Variants in NELL2 observed in about 807,000 individuals in gnomAD.
NELL2 encodes neural EGFL like 2.
In NELL2, 41 loss-of-function variants were observed where a neutral mutation model predicts 109.6. The observed-to-expected ratio is 0.37, with a 90% CI of 0.29 to 0.49. The LOEUF is 0.49. Among genes scored for constraint, NELL2 ranks in the 20% least tolerant of loss-of-function variants. The probability of loss-of-function intolerance (pLI) is 0.98; values close to 1 mark genes in which losing one functional copy is unlikely to be tolerated. For synonymous variants in NELL2, 355 were observed against 344.7 expected (o/e 1.03, Z -0.33); for missense variants, 900 against 1,008.3 (o/e 0.89, Z 1.45).
intron 2 of NELL2, among the ~76,000 whole-genome samples, chr12:44,872,550 G>C (rs1004643890): frequency 6.6e-6 from 1 of 152,092 alleles, no homozygotes; most frequent in East Asian, 1.9e-4. Flanking sequence ...CCACTAAGGA[G>C]AAAAACTGGC....
At chr12:44,623,554 A>G (rs1414069522) in intron 13 of NELL2, among the ~76,000 whole-genome samples, 1 of 151,666 alleles carries the variant, frequency 6.6e-6, no homozygotes, top group Non-Finnish European at 1.5e-5. Flanking sequence ...TTACTTGATA[A>G]GGTTCCTTAA....
intron 3 of NELL2, among the ~76,000 whole-genome samples, chr12:44,803,697 A>G (rs1035919389): frequency 2.6e-5 from 4 of 152,018 alleles, no homozygotes; most frequent in African/African-American, 9.7e-5. Context: ...TCCTTATTAT[A>G]TAAAGCGTTC....
At position 44,587,309 on chromosome 12, in the gene NELL2, T is replaced by TA. The variant is rs1565974434; in HGVS notation, c.1663+19859_1663+19860insT. Among the ~76,000 whole-genome samples, 92 of 69,568 alleles carry TA rather than the reference T, an allele frequency of 1.3e-3. 1 individual carries two copies. Among genetic ancestry groups the TA allele is most frequent in the African/African-American group, 2.8e-3 (52 of 18,450 alleles). 45.6% of individuals were successfully genotyped at this position (69,568 alleles called of 152,430 possible). On this transcript the variant is annotated intron_variant, in intron 15 of 19. Transcript: ENST00000429094. Reference sequence around the variant, plus strand: ...AATATATATATATATATATATATATTTTTTTTTAAATATGAAGTTATATAC... The same window carrying TA: ...AATATATATATATATATATATATATTATTTTTTTAAATATGAAGTTATATAC...
At chr12:44,862,737 A>C (rs1944878437) in intron 2 of NELL2, among the ~76,000 whole-genome samples, 2 of 152,192 alleles carry the variant, frequency 1.3e-5, no homozygotes, top group Admixed American at 1.3e-4. Flanking sequence ...AACACAGTGC[A>C]CAAAATGAAA....
In NELL2 at chr12:44,876,139, G is replaced by A; in HGVS notation, c.-270C>T. 3.1e-6 allele frequency: 4 copies of A among 1,286,094 alleles called. No homozygotes were observed. The highest frequency in any genetic ancestry group is 3.9e-6 in the Non-Finnish European group (4 of 1,015,568). The allele number at this position is 1,286,094 out of a possible 1,614,324, so 79.7% of individuals were successfully genotyped here. ...GGCCCGGAGGGGGCCCGGAGGGAGG[G>A]GTCGGACTCGCCCCGGCGCGGCTCC... On this transcript the variant is annotated 5_prime_UTR_variant, in exon 1 of 20. Coordinates refer to ENST00000429094, the MANE Select transcript of NELL2 (RefSeq NM_001145108.2).
upstream of NELL2, among the ~76,000 whole-genome samples, chr12:44,880,707 T>C (rs897966860): frequency 6.6e-6 from 1 of 152,060 alleles, no homozygotes; most frequent in African/African-American, 2.4e-5. Flanking sequence ...TCCCACTGAA[T>C]GCCATCAAAA....
At chr12:44,894,713 T>A (rs1170053210) in intron 1 of NELL2, among the ~76,000 whole-genome samples, 1 of 152,190 alleles carries the variant, frequency 6.6e-6, no homozygotes, top group Non-Finnish European at 1.5e-5. Flanking sequence ...GAACACGTAA[T>A]AACAATTTAT....
At chr12:44,664,829 ATGTTTTGTTT>A (rs144528117) in intron 13 of NELL2, among the ~76,000 whole-genome samples, 107 of 151,928 alleles carry the variant, frequency 7.0e-4, no homozygotes, top group Middle Eastern at 3.4e-3. Flanking sequence ...TTCTAGCATC[ATGTTTTGTTT>A]TGTTTTGTTT....
chr12:44,662,421 G>A (rs2136334212), intron 13 of NELL2, among the ~76,000 whole-genome samples: 2 of 152,214 alleles, frequency 1.3e-5, no homozygotes, highest in South Asian at 4.1e-4. Flanking sequence ...TTATAATAAA[G>A]AGGTTCATAT....
intron 12 of NELL2, among the ~76,000 whole-genome samples, chr12:44,693,339 G>A (rs1240749000): frequency 6.6e-6 from 1 of 152,302 alleles, no homozygotes; most frequent in East Asian, 1.9e-4. Flanking sequence ...CTACAGTAGA[G>A]TGTAAATATA....
chr12:44,762,130 A>C (rs1941152596), intron 9 of NELL2, among the ~76,000 whole-genome samples: 1 of 152,164 alleles, frequency 6.6e-6, no homozygotes, highest in Non-Finnish European at 1.5e-5. Flanking sequence ...TTTTACCTCC[A>C]CTTTAGTCCT....
At chr12:44,689,987 C>A (rs1948849954) in intron 12 of NELL2, among the ~76,000 whole-genome samples, 1 of 152,160 alleles carries the variant, frequency 6.6e-6, no homozygotes, top group Admixed American at 6.5e-5. Flanking sequence ...AAACTAAAGA[C>A]TCAAAAATAA....
intron 1 of NELL2, among the ~76,000 whole-genome samples, chr12:44,894,991 A>G (rs1945576849): frequency 6.6e-6 from 1 of 152,360 alleles, no homozygotes; most frequent in Non-Finnish European, 1.5e-5. Flanking sequence ...ATAACTTAAT[A>G]TGCGACAAGT....
chr12:44,565,390 A>G (rs1327434769), intron 15 of NELL2, among the ~76,000 whole-genome samples: 1 of 152,214 alleles, frequency 6.6e-6, no homozygotes, highest in Non-Finnish European at 1.5e-5. Context: ...GATTTTTGGA[A>G]TGTTAAAATG....
intron 12 of NELL2, among the ~76,000 whole-genome samples, chr12:44,683,292 T>C (rs1948592542): frequency 6.6e-6 from 1 of 151,690 alleles, no homozygotes; most frequent in South Asian, 2.1e-4. Flanking sequence ...TTTGCTGAAG[T>C]TGCTTATCAG....
intron 2 of NELL2, among the ~76,000 whole-genome samples, chr12:44,834,874 C>T (rs79989708): frequency 0.012 from 1,783 of 152,204 alleles, 32 homozygotes; most frequent in East Asian, 0.048. Flanking sequence ...GCTGGACACG[C>T]GGGCAGTCCT....
intron 15 of NELL2, among the ~76,000 whole-genome samples, chr12:44,546,424 C>T (rs1422392203): frequency 6.6e-6 from 1 of 152,088 alleles, no homozygotes; most frequent in Non-Finnish European, 1.5e-5. Flanking sequence ...CACCCTTTAG[C>T]TTGATACAAG....
intron 12 of NELL2, among the ~76,000 whole-genome samples, chr12:44,673,899 A>G (rs1474897874): frequency 6.6e-6 from 1 of 152,148 alleles, no homozygotes; most frequent in Admixed American, 6.6e-5. Context: ...AAACACTCAT[A>G]ATGTACATAA....
chr12:44,679,493 A>G (rs1355289005), intron 12 of NELL2, among the ~76,000 whole-genome samples: 2 of 152,122 alleles, frequency 1.3e-5, no homozygotes, highest in Non-Finnish European at 2.9e-5. Flanking sequence ...TGCTTTGTAC[A>G]GTGCATGTTC....
Sources: allele counts gnomAD v4.1 joint callset (sites outside exome capture counted in the v4.1 genomes callset), GRCh38; gene constraint gnomAD v4.1.1; transcripts MANE v1.5; gene names NCBI Gene and HGNC (gene_info 2026-07-23, HGNC 2026-07-21).